Variants in AMPH observed in about 807,000 individuals in gnomAD.
AMPH encodes amphiphysin (Stiff-Mann syndrome with breast cancer 128kD autoantigen).
In AMPH, 49 loss-of-function variants were observed where a neutral mutation model predicts 99.1. The observed-to-expected ratio is 0.49, with a 90% CI of 0.39 to 0.63. The LOEUF (loss-of-function observed/expected upper bound fraction) is 0.63, where lower values mean the gene tolerates loss of function less well. Among genes scored for constraint, AMPH ranks in the 20% least tolerant of loss-of-function variants. The pLI is 0.00. For missense variants in AMPH, 759 were observed against 863.4 expected, an observed-to-expected ratio of 0.88 and a Z score of 1.52; for synonymous variants, 314 against 317.3, an observed-to-expected ratio of 0.99 and a Z score of 0.11.
chr7:38,566,740 A>G (rs1791759408), intron 1 of AMPH, among the ~76,000 whole-genome samples: 1 of 152,350 alleles, frequency 6.6e-6, no homozygotes, highest in African/African-American at 2.4e-5. Context: ...ATATGAACAG[A>G]CACTTCTCAA....
intron 6 of AMPH, among the ~76,000 whole-genome samples, chr7:38,476,429 G>C (rs1445690383): frequency 6.6e-6 from 1 of 152,092 alleles, no homozygotes; most frequent in Non-Finnish European, 1.5e-5. Flanking sequence ...TGACATACAT[G>C]GTGAAAGCTA....
At chr7:38,473,029 A>T (rs1787942282) in intron 7 of AMPH, among the ~76,000 whole-genome samples, 1 of 152,190 alleles carries the variant, frequency 6.6e-6, no homozygotes, top group South Asian at 2.1e-4. Context: ...TTATATACCC[A>T]ATACATATTA....
chr7:38,428,157 T>C (rs1314981015), intron 14 of AMPH: 1 of 456,636 alleles, frequency 2.2e-6, no homozygotes, highest in African/African-American at 2.0e-5. Flanking sequence ...GTTAATAGAA[T>C]CCAGACAACT....
intron 1 of AMPH, among the ~76,000 whole-genome samples, chr7:38,571,308 TA>T (rs1218493188): frequency 1.1e-5 from 1 of 93,884 alleles, no homozygotes; most frequent in Non-Finnish European, 1.9e-5. Context: ...TGAATATATA[TA>T]TTTATATATA....
In AMPH at chr7:38,392,034, C is replaced by G; in HGVS notation, c.1609-17G>C. On this transcript the variant is annotated splice_polypyrimidine_tract_variant and intron_variant, in intron 18 of 20. Transcript: ENST00000356264. The stretch of plus-strand genomic sequence containing the variant: ...GACCTTCTCCTGGGGGAAGAAAAAC[C>G]GTGGCGATGCCCGGCAGGGCCTGGA... 1.2e-6 allele frequency: 2 copies of G among 1,600,754 alleles called. No homozygotes were observed. The highest frequency in any genetic ancestry group is 1.7e-6 in the Non-Finnish European group (2 of 1,179,514).
At chr7:38,548,265 G>A (rs993121873) in intron 1 of AMPH, among the ~76,000 whole-genome samples, 4 of 151,928 alleles carry the variant, frequency 2.6e-5, no homozygotes, top group South Asian at 2.1e-4. Flanking sequence ...TCCTGACCTC[G>A]TGATCTGCCT....
chr7:38,417,705 GA>G lies in AMPH; in HGVS notation c.1398+119del. ...AAGGCTATTTGAACCTGGGAGCTACGACAGATATGGAGCATGTTTGGCCCAA... is the reference window on the plus strand; with the variant it reads ...AAGGCTATTTGAACCTGGGAGCTACGCAGATATGGAGCATGTTTGGCCCAA... On this transcript the variant is annotated intron_variant, in intron 17 of 20. Transcript: ENST00000356264. 2.3e-6 allele frequency: 3 copies of G among 1,320,678 alleles called. No individual in the cohort carries two copies. In the East Asian group the frequency reaches 7.1e-5, roughly 31 times the overall value. The allele number at this position is 1,320,678 out of a possible 1,614,324, so 81.8% of individuals were successfully genotyped here.
chr7:38,476,306 C>T (rs961849385), intron 6 of AMPH, among the ~76,000 whole-genome samples: 1 of 151,972 alleles, frequency 6.6e-6, no homozygotes, highest in African/African-American at 2.4e-5. Flanking sequence ...AAACATATCT[C>T]GATGTAGAAA....
At chr7:38,467,258 C>T (rs553011969) in intron 7 of AMPH, among the ~76,000 whole-genome samples, 50 of 152,166 alleles carry the variant, frequency 3.3e-4, no homozygotes, top group Middle Eastern at 3.4e-3. Flanking sequence ...TGGGCAAACC[C>T]TAGATGTGTC....
chr7:38,509,605 C>T (rs1789461695), intron 2 of AMPH, among the ~76,000 whole-genome samples: 1 of 152,292 alleles, frequency 6.6e-6, no homozygotes, highest in South Asian at 2.1e-4. Context: ...GCTGGAAGAT[C>T]TGCTTTATTG....
At chr7:38,494,586 C>T in intron 3 of AMPH, 59 bp from the exon 4 acceptor site, 1 of 1,457,082 alleles carries the variant, frequency 6.9e-7, no homozygotes, top group South Asian at 1.1e-5. Context: ...TCTCTTCTCC[C>T]TTCCTCCACT....
chr7:38,443,508 C>CAAATG (rs1344197282), intron 11 of AMPH, among the ~76,000 whole-genome samples: 1 of 152,052 alleles, frequency 6.6e-6, no homozygotes, highest in African/African-American at 2.4e-5. Flanking sequence ...ATATCATCAC[C>CAAATG]AAATGGGGTT....
chr7:38,424,440 T>G (rs1350946840), intron 15 of AMPH, among the ~76,000 whole-genome samples: 1 of 152,084 alleles, frequency 6.6e-6, no homozygotes, highest in Non-Finnish European at 1.5e-5. Flanking sequence ...AAGAAGAAGA[T>G]GCTATTGGAA....
chr7:38,524,960 C>T (rs1315043235), intron 2 of AMPH, among the ~76,000 whole-genome samples: 1 of 151,866 alleles, frequency 6.6e-6, no homozygotes, highest in East Asian at 1.9e-4. Context: ...GTTTATGTTC[C>T]CTGACACATC....
At chr7:38,432,587 TAC>T (rs10556315) in intron 12 of AMPH, among the ~76,000 whole-genome samples, 25,620 of 147,954 alleles carry the variant, frequency 0.17, 2,297 homozygotes, top group East Asian at 0.25. Flanking sequence ...GTTATTTTAA[TAC>T]ACACACACAC....
intron 17 of AMPH, among the ~76,000 whole-genome samples, chr7:38,407,048 C>CTCTCTCTCTATATATATATA (rs1241166935): frequency 3.2e-5 from 1 of 31,266 alleles, no homozygotes; most frequent in Non-Finnish European, 6.1e-5. Flanking sequence ...CTCTCTCTCT[C>CTCTCTCTCTATATATATATA]TATATATATA....
At chr7:38,443,917 TATG>T (rs1453966190) in intron 11 of AMPH, among the ~76,000 whole-genome samples, 1 of 151,440 alleles carries the variant, frequency 6.6e-6, no homozygotes, top group Non-Finnish European at 1.5e-5. Flanking sequence ...TCATAAAAGA[TATG>T]ATAATATATA....
chr7:38,494,498 C>T lies in AMPH; in HGVS notation c.235G>A (p.Glu79Lys). 6.2e-7 allele frequency: 1 copy of T among 1,613,992 alleles called. No individual in the cohort carries two copies. Among genetic ancestry groups the T allele is most frequent in the Non-Finnish European group, 8.5e-7 (1 of 1,179,898 alleles). Residue 79 changes from glutamate to lysine, a missense_variant, in exon 4 of 21, where the codon GAG becomes AAG. Around this residue, in one of 2 missense-constraint regions of AMPH, gnomAD observed 205 missense variants for 287.9 expected, o/e 0.71. Transcript: ENST00000356264. Reference sequence around the variant, plus strand: ...GGCTCATAGACTTCATGCAGCGACTCTGTGAGCTTCATGGAGGCCTCCTGC... The same window carrying T: ...GGCTCATAGACTTCATGCAGCGACTTTGTGAGCTTCATGGAGGCCTCCTGC... ...GMQEASMKLTESLHEVYEPDW... is the reference protein window; with the variant it reads ...GMQEASMKLTKSLHEVYEPDW...
intron 1 of AMPH, among the ~76,000 whole-genome samples, chr7:38,610,162 G>GGAGAATT (rs1297931473): frequency 6.8e-6 from 1 of 147,388 alleles, no homozygotes; most frequent in African/African-American, 2.5e-5. Flanking sequence ...CTTGAACCTA[G>GGAGAATT]GAGGCAGAGG....
Sources: gnomAD v4.1 joint callset for allele counts (sites outside exome capture counted in the v4.1 genomes callset) on GRCh38, gnomAD v4.1.1 for gene constraint, gnomAD v4.1.1 regional missense constraint, MANE v1.5 for transcripts, NCBI Gene and HGNC (gene_info 2026-07-23, HGNC 2026-07-21) for gene names.